MYO1B: variants seen among roughly 807,000 people sequenced by gnomAD.
The protein encoded by MYO1B is unconventional myosin-Ib.
MYO1B carries 72 observed loss-of-function variants against 159.7 expected under a neutral mutation model. That is an observed-to-expected ratio of 0.45 (90% CI 0.37 to 0.55). MYO1B has a LOEUF of 0.55. MYO1B is among the 20% of genes least tolerant of loss of function. The probability of loss-of-function intolerance (pLI) is 0.00; values close to 1 mark genes in which losing one functional copy is unlikely to be tolerated. For missense variants in MYO1B, 1,062 were observed against 1,364.8 expected (o/e 0.78, Z 3.50); for synonymous variants, 468 against 473.8 (o/e 0.99, Z 0.16).
chr2:191,268,160 C>T (rs139979004), intron 1 of MYO1B, among the ~76,000 whole-genome samples: 50 of 152,228 alleles, frequency 3.3e-4, no homozygotes, highest in Middle Eastern at 6.8e-3. Flanking sequence ...TACCATGGAC[C>T]GGGTGGCTTA....
intron 4 of MYO1B, among the ~76,000 whole-genome samples, chr2:191,339,018 T>C (rs1692039173): frequency 6.6e-6 from 1 of 152,100 alleles, no homozygotes; most frequent in African/African-American, 2.4e-5. Flanking sequence ...ACATAATATA[T>C]GTGAGAGTTC....
In MYO1B at chr2:191,383,342, T is replaced by C. The variant is rs969288099; in HGVS notation, c.1353T>C (p.Asn451=). The stretch of plus-strand genomic sequence containing the variant: ...CTATCATTTGTGACCTAATAGAAAA[T>C]GTGAGTACTTAGGTACAGTTTTCTA... ...NNAIICDLIE[N]NTNGILAMLD... is the part of the protein sequence containing the mutation. Residue 451 remains asparagine, a splice_region_variant and synonymous_variant, in exon 15 of 31, where the codon AAT becomes AAC. Transcript: ENST00000392318. The C allele has an allele frequency of 6.4e-7, 1 of 1,571,424 alleles. No individual in the cohort carries two copies. Among genetic ancestry groups the C allele is most frequent in the Non-Finnish European group, 8.6e-7 (1 of 1,159,022 alleles).
chr2:191,403,280 G>C (rs1696725809), intron 24 of MYO1B, among the ~76,000 whole-genome samples: 1 of 152,200 alleles, frequency 6.6e-6, no homozygotes, highest in Non-Finnish European at 1.5e-5. Context: ...ATGTTAAAGA[G>C]AACCTCGAAT....
At chr2:191,381,841 A>G (rs1245378940) in intron 14 of MYO1B, among the ~76,000 whole-genome samples, 1 of 152,176 alleles carries the variant, frequency 6.6e-6, no homozygotes, top group East Asian at 1.9e-4. Context: ...GACATTATAC[A>G]TTTGCCAAAA....
At chr2:191,325,247 A>G (rs1690977787) in intron 3 of MYO1B, among the ~76,000 whole-genome samples, 1 of 152,168 alleles carries the variant, frequency 6.6e-6, no homozygotes, top group African/African-American at 2.4e-5. Context: ...TCTCAATTGT[A>G]GATGGGAATT....
intron 1 of MYO1B, among the ~76,000 whole-genome samples, chr2:191,276,416 A>G (rs367813118): frequency 1.3e-5 from 2 of 152,370 alleles, no homozygotes; most frequent in Non-Finnish European, 2.9e-5. Flanking sequence ...TGAGGGTTCA[A>G]TTAATGTAAA....
intron 3 of MYO1B, among the ~76,000 whole-genome samples, chr2:191,308,326 A>T (rs1689778070): frequency 6.6e-6 from 1 of 152,184 alleles, no homozygotes; most frequent in South Asian, 2.1e-4. Context: ...TGTTCTTAAG[A>T]AGCCATAGAA....
intron 9 of MYO1B, among the ~76,000 whole-genome samples, 191 bp downstream of exon 9, chr2:191,362,562 A>G (rs1432982809): frequency 3.3e-5 from 5 of 152,232 alleles, no homozygotes; most frequent in Non-Finnish European, 4.4e-5. Context: ...TGTGAAGGCC[A>G]TGCTTTTATT....
chr2:191,365,713 G>A (rs1394275117), intron 11 of MYO1B, among the ~76,000 whole-genome samples: 2 of 152,226 alleles, frequency 1.3e-5, no homozygotes, highest in Non-Finnish European at 2.9e-5. Context: ...GGATTTAGAT[G>A]TGTGAAGTAT....
chr2:191,247,107 G>A (rs979363293), intron 1 of MYO1B, among the ~76,000 whole-genome samples: 1 of 152,170 alleles, frequency 6.6e-6, no homozygotes, highest in Non-Finnish European at 1.5e-5. Context: ...TTGGGAGGAG[G>A]CTGACATTTC....
At chr2:191,330,690 C>T (rs991690522) in intron 4 of MYO1B, among the ~76,000 whole-genome samples, 3 of 152,064 alleles carry the variant, frequency 2.0e-5, no homozygotes, top group Admixed American at 6.6e-5. Context: ...ACCTTAGAAA[C>T]GTTTAAAGCT....
chr2:191,401,600 A>T (rs1244226960), intron 23 of MYO1B: 5 of 152,250 alleles, frequency 3.3e-5, no homozygotes. Context: ...TGTGTATTCC[A>T]GTTAGAAACA....
intron 13 of MYO1B, among the ~76,000 whole-genome samples, chr2:191,372,575 A>G (rs1185385908): frequency 6.6e-6 from 1 of 152,192 alleles, no homozygotes; most frequent in Non-Finnish European, 1.5e-5. Context: ...CTGCCAGAGG[A>G]TGTATCCTAT....
chr2:191,410,446 G>A (rs1273553426), intron 26 of MYO1B, among the ~76,000 whole-genome samples: 1 of 152,144 alleles, frequency 6.6e-6, no homozygotes, highest in East Asian at 1.9e-4. Context: ...GCAGCTTCAG[G>A]GATGGAGTGA....
intron 2 of MYO1B, among the ~76,000 whole-genome samples, chr2:191,295,761 G>A (rs149778085): frequency 2.0e-5 from 3 of 152,296 alleles, no homozygotes; most frequent in African/African-American, 4.8e-5. Context: ...TCTAGAATCA[G>A]GGAGAGCATG....
intron 17 of MYO1B, among the ~76,000 whole-genome samples, chr2:191,389,020 T>C (rs765480935): frequency 6.6e-6 from 1 of 152,238 alleles, no homozygotes; most frequent in Non-Finnish European, 1.5e-5. Context: ...CATGTAGATA[T>C]CCTGTTGCAC....
rs550412880 is a variant in MYO1B, at chr2:191,408,357, C to A, written c.2631+168C>A. Among the ~76,000 whole-genome samples the A allele has an allele frequency of 3.3e-5, 5 of 152,322 alleles. No homozygotes were observed. In the East Asian group the frequency reaches 9.6e-4, roughly 29 times the overall value. On this transcript the variant is annotated intron_variant, in intron 25 of 30. Coordinates refer to ENST00000392318, the MANE Select transcript of MYO1B (RefSeq NM_001130158.3). Reference sequence around the variant, plus strand: ...GTTAGTTATCTTTTAAAATCATCTTCTTCCAAATTCTGGTAGAATTGTGTC... The same window carrying A: ...GTTAGTTATCTTTTAAAATCATCTTATTCCAAATTCTGGTAGAATTGTGTC...
At chr2:191,298,529 T>C (rs1689118557) in intron 3 of MYO1B, among the ~76,000 whole-genome samples, 1 of 152,192 alleles carries the variant, frequency 6.6e-6, no homozygotes, top group African/African-American at 2.4e-5. Context: ...GCCAGGAATC[T>C]ACATTTTTCA....
intron 3 of MYO1B, among the ~76,000 whole-genome samples, chr2:191,326,175 C>T (rs756309105): frequency 6.6e-6 from 1 of 152,156 alleles, no homozygotes; most frequent in Non-Finnish European, 1.5e-5. Context: ...TAATGTGAAG[C>T]ATATGGGTCA....
Sources: allele counts gnomAD v4.1 joint callset (sites outside exome capture counted in the v4.1 genomes callset), GRCh38; gene constraint gnomAD v4.1.1; transcripts MANE v1.5; gene names NCBI Gene and HGNC (gene_info 2026-07-23, HGNC 2026-07-21).